EFHC1: variants seen among roughly 807,000 people sequenced by gnomAD.
EFHC1 encodes the protein EF-hand domain containing 1.
EFHC1 carries 53 observed loss-of-function variants against 69.9 expected under a neutral mutation model. The observed-to-expected ratio is 0.76, with a 90% confidence interval of 0.61 to 0.95. The LOEUF (loss-of-function observed/expected upper bound fraction) is 0.95, where lower values mean the gene tolerates loss of function less well. EFHC1 is among the 40% of genes least tolerant of loss of function. EFHC1 has a pLI of 0.00. For synonymous variants in EFHC1, 256 were observed against 278.4 expected (o/e 0.92, Z 0.80); for missense variants, 739 against 798.7 (o/e 0.93, Z 0.90).
At chr6:52,466,614 A>G (rs1427117262) in intron 6 of EFHC1, among the ~76,000 whole-genome samples, 2 of 152,210 alleles carry the variant, frequency 1.3e-5, no homozygotes, top group Non-Finnish European at 2.9e-5. Flanking sequence ...GCCAAGGACT[A>G]TGTCCTATTC....
At chr6:52,469,700 A>G (rs1309961119) in intron 7 of EFHC1, among the ~76,000 whole-genome samples, 1 of 152,208 alleles carries the variant, frequency 6.6e-6, no homozygotes, top group Non-Finnish European at 1.5e-5. Flanking sequence ...CTTTCTTAAG[A>G]TCATTAATCT....
At chr6:52,440,392 A>G (rs1172962121) in intron 3 of EFHC1, among the ~76,000 whole-genome samples, 1 of 152,072 alleles carries the variant, frequency 6.6e-6, no homozygotes, top group East Asian at 1.9e-4. Flanking sequence ...AGGAACACTA[A>G]ATAGCACTTC....
rs777992546 is a variant in EFHC1 at position 52,479,043 on chromosome 6, C to A, written c.1285C>A (p.Pro429Thr). ...VLRYLAVLES[P>T]IPEDKDRRFV... ...CTTTTCTTCACCTTTGTAGGAATCC[C>A]CCATCCCAGAAGACAAAGACCGCAG... The change falls in exon 8 of 11, where the codon CCC (proline) becomes ACC (threonine). Residue 429 changes from proline (P) to threonine (T), a missense_variant. Transcript: ENST00000371068. 2 of 1,613,570 alleles carry A rather than the reference C, an allele frequency of 1.2e-6. No homozygotes were observed. The highest frequency in any genetic ancestry group is 8.5e-7 in the Non-Finnish European group (1 of 1,179,930).
intron 5 of EFHC1, among the ~76,000 whole-genome samples, chr6:52,456,166 G>A (rs1288048086): frequency 6.6e-6 from 1 of 152,108 alleles, no homozygotes; most frequent in Non-Finnish European, 1.5e-5. Flanking sequence ...TTAAAAAAAT[G>A]AAAATACTGC....
intron 7 of EFHC1, among the ~76,000 whole-genome samples, chr6:52,473,295 C>T (rs1451495700): frequency 1.3e-5 from 2 of 152,124 alleles, no homozygotes; most frequent in Non-Finnish European, 2.9e-5. Flanking sequence ...TGATATCAAA[C>T]AATCAGATAT....
chr6:52,484,050 A>G (rs977826274), intron 9 of EFHC1: 3 of 152,164 alleles, frequency 2.0e-5, no homozygotes, highest in African/African-American at 7.2e-5. Context: ...TTTTGTTTTT[A>G]CATAGAATAA....
intron 3 of EFHC1, among the ~76,000 whole-genome samples, chr6:52,443,690 G>A (rs1348304088): frequency 6.6e-6 from 1 of 152,188 alleles, no homozygotes; most frequent in African/African-American, 2.4e-5. Context: ...GGTTACTGTA[G>A]CCTTGTACTA....
chr6:52,494,547 T>C lies in EFHC1; in HGVS notation c.*2206T>C, dbSNP rs761343884. ...AATGTGGGGCCAGGTCTGAGTGACA[T>C]GTGCCGAAAGGCTGACTCTTTCTCC... On this transcript the variant is annotated 3_prime_UTR_variant, in exon 11 of 11. Transcript: ENST00000371068. 6.6e-6 allele frequency: 3 copies of C among 454,010 alleles called. No individual in the cohort carries two copies. The highest frequency in any genetic ancestry group is 6.8e-4 in the Middle Eastern group (1 of 1,468). The allele number at this position is 454,010 out of a possible 1,614,324, so 28.1% of individuals were successfully genotyped here.
intron 6 of EFHC1, chr6:52,468,572 C>A (rs1562458432): frequency 1.3e-5 from 2 of 152,278 alleles, no homozygotes; most frequent in South Asian, 4.1e-4. Flanking sequence ...ATTGGCCCCC[C>A]AGCCAGGATG....
At chr6:52,458,010 T>C (rs1765082092) in intron 5 of EFHC1, among the ~76,000 whole-genome samples, 1 of 152,134 alleles carries the variant, frequency 6.6e-6, no homozygotes, top group Non-Finnish European at 1.5e-5. Flanking sequence ...GAGATCAACA[T>C]ACAGATCAAT....
intron 3 of EFHC1, among the ~76,000 whole-genome samples, chr6:52,440,210 A>G (rs891913746): frequency 2.6e-5 from 4 of 152,102 alleles, no homozygotes; most frequent in Non-Finnish European, 5.9e-5. Flanking sequence ...TCAACTGATC[A>G]ATACATAAGT....
rs1764583327 is a variant in EFHC1, at chr6:52,438,421, G to A, written c.403G>A (p.Glu135Lys). The A allele has an allele frequency of 6.2e-7, 1 of 1,614,036 alleles. No individual in the cohort carries two copies. The highest frequency in any genetic ancestry group is 8.5e-7 in the Non-Finnish European group (1 of 1,179,960). Reference protein sequence around the residue: ...YLEDDSMSVIEPVVENSGILQ... With the variant: ...YLEDDSMSVIKPVVENSGILQ... ...AGAAGATGACAGCATGTCTGTCATA[G>A]AGCCTGTTGTAGAAAATTCTGGAAT... Residue 135 changes from glutamate to lysine, a missense_variant, in exon 3 of 11, where the codon GAG becomes AAG. Transcript: ENST00000371068.
intron 9 of EFHC1, chr6:52,483,729 T>A (rs1452591085): frequency 6.6e-6 from 1 of 152,232 alleles, no homozygotes; most frequent in Non-Finnish European, 1.5e-5. Context: ...AATTTGGCCC[T>A]GTGTCTGAGC....
intron 3 of EFHC1, among the ~76,000 whole-genome samples, chr6:52,443,079 T>C (rs1386933014): frequency 2.6e-5 from 4 of 152,234 alleles, no homozygotes; most frequent in Non-Finnish European, 5.9e-5. Flanking sequence ...GCTGCATAAA[T>C]GTCTTCTTTT....
At chr6:52,461,692 T>C (rs976528943) in intron 5 of EFHC1, among the ~76,000 whole-genome samples, 5 of 152,110 alleles carry the variant, frequency 3.3e-5, no homozygotes, top group African/African-American at 9.7e-5. Flanking sequence ...ATGAACAATA[T>C]ATAAAAGTGT....
At position 52,469,379 on chromosome 6, in the gene EFHC1, A is replaced by G. The variant is rs1765384173; in HGVS notation, c.1184A>G (p.Gln395Arg). ...TTTGGACTAGTGGAAGATTCTGCTC[A>G]GAATTGTTTTGCTCTCATTCCAAAA... ...NGFGLVEDSA[Q>R]NCFALIPKAP... The change falls in exon 7 of 11, where the codon CAG becomes CGG. Residue 395 changes from glutamine (Q) to arginine (R), a missense_variant. Coordinates refer to ENST00000371068, the MANE Select transcript of EFHC1 (RefSeq NM_018100.4). 1.9e-6 allele frequency: 3 copies of G among 1,614,060 alleles called. No homozygotes were observed. The highest frequency in any genetic ancestry group is 2.5e-6 in the Non-Finnish European group (3 of 1,179,958).
intron 9 of EFHC1, chr6:52,489,610 C>G (rs1266223773): frequency 6.0e-6 from 1 of 166,244 alleles, no homozygotes; most frequent in Non-Finnish European, 1.3e-5. Context: ...ACTTCTCACT[C>G]TACCTCACAG....
intron 2 of EFHC1, among the ~76,000 whole-genome samples, chr6:52,428,773 T>C (rs1186163144): frequency 6.6e-6 from 1 of 152,168 alleles, no homozygotes; most frequent in Non-Finnish European, 1.5e-5. Flanking sequence ...CTTTTAGTTC[T>C]TTAAGGAATC....
chr6:52,461,332 G>C (rs560240614), intron 5 of EFHC1, among the ~76,000 whole-genome samples: 2 of 152,032 alleles, frequency 1.3e-5, no homozygotes, highest in African/African-American at 4.8e-5. Flanking sequence ...TTGATTTTCT[G>C]TTCCTGCATT....
Sources: gnomAD v4.1 joint callset for allele counts (sites outside exome capture counted in the v4.1 genomes callset) on GRCh38, gnomAD v4.1.1 for gene constraint, MANE v1.5 for transcripts, NCBI Gene and HGNC (gene_info 2026-07-23, HGNC 2026-07-21) for gene names.